The following MYH1 variants were observed in gnomAD, a reference collection of about 807,000 sequenced individuals.
MYH1 encodes the protein myosin-1.
A neutral mutation model predicts 225.6 loss-of-function variants in MYH1; 214 were observed. The observed-to-expected ratio is 0.95, with a 90% confidence interval of 0.85 to 1.06. The LOEUF is 1.06. Among genes scored for constraint, MYH1 ranks in the 50% least tolerant of loss-of-function variants. The pLI is 0.00. For synonymous variants in MYH1, 774 were observed against 842.3 expected (o/e 0.92, Z 1.40); for missense variants, 2,098 against 2,344.2 (o/e 0.89, Z 2.17).
chr17:10,514,940 A>G, intron 5 of MYH1, 45 bp from the exon 6 acceptor site: 1 of 1,577,084 alleles, frequency 6.3e-7, no homozygotes, highest in Non-Finnish European at 8.7e-7. Context: ...TCAGTTACAC[A>G]AACAAAACTT....
chr17:10,501,946 A>G (rs1304981178), intron 24 of MYH1, 35 bp from the exon 25 acceptor site: 1 of 1,576,602 alleles, frequency 6.3e-7, no homozygotes, highest in Non-Finnish European at 8.6e-7. Context: ...TGGTTCTTAG[A>G]ATGGTAGCAC....
chr17:10,513,848 G>A lies in MYH1; in HGVS notation c.714C>T (p.Thr238=), dbSNP rs752669504. The A allele has an allele frequency of 1.5e-5, 25 of 1,614,036 alleles. No homozygotes were observed. Among genetic ancestry groups the A allele is most frequent in the South Asian group, 6.6e-5 (6 of 91,086 alleles). ...AGCGAGAGGAGTTGTCATTCCTCAC[G>A]GTCTTGGCGTTGCCAAAGGCCTCCA... ...PLLEAFGNAK[T]VRNDNSSRFG... is the part of the protein sequence containing the mutation. Residue 238 remains threonine (T), a synonymous_variant, in exon 8 of 40, where the codon ACC becomes ACT. Transcript: ENST00000226207.
intron 28 of MYH1, among the ~76,000 whole-genome samples, chr17:10,499,777 T>C (rs1485904133): frequency 1.3e-5 from 2 of 152,228 alleles, no homozygotes; most frequent in Non-Finnish European, 1.5e-5. Context: ...ATAAGAATTA[T>C]AATAAATATT....
chr17:10,507,838 A>G (rs2073128423), intron 17 of MYH1, 48 bp downstream of exon 17: 2 of 1,509,322 alleles, frequency 1.3e-6, no homozygotes, highest in Admixed American at 3.4e-5. Flanking sequence ...ACCATAGAGT[A>G]CATTTAATAT....
chr17:10,511,682 T>G (rs556216620), intron 14 of MYH1, among the ~76,000 whole-genome samples, 157 bp downstream of exon 14: 3 of 152,316 alleles, frequency 2.0e-5, no homozygotes, highest in African/African-American at 7.2e-5. Context: ...TCACTTCCTT[T>G]CACGGTCTTT....
At chr17:10,509,452 G>A in intron 15 of MYH1, 33 bp downstream of exon 15, 1 of 1,614,028 alleles carries the variant, frequency 6.2e-7, no homozygotes, top group South Asian at 1.1e-5. Flanking sequence ...CTGTACAGCA[G>A]TATGATCTGT....
In MYH1 at chr17:10,508,682, T is replaced by G. The variant is rs1181591295; in HGVS notation, c.1588-10A>C. 6.2e-7 allele frequency: 1 copy of G among 1,612,656 alleles called. No homozygotes were observed. Among genetic ancestry groups the G allele is most frequent in the South Asian group, 1.1e-5 (1 of 90,870 alleles). On this transcript the variant is annotated splice_polypyrimidine_tract_variant and intron_variant, in intron 15 of 39. Transcript: ENST00000226207. ...AGAAGATGCCCATAGGCTGGAAGAA[T>G]GAAAAGAAATAAATGCCACTTGAAT...
At chr17:10,508,020 T>TG in intron 16 of MYH1, 64 bp from the exon 17 acceptor site, 1 of 1,339,660 alleles carries the variant, frequency 7.5e-7, no homozygotes, top group Non-Finnish European at 1.0e-6. Context: ...TTTTTTTTGT[T>TG]TTTTTTTGTT....
chr17:10,502,599 G>C, intron 24 of MYH1, 139 bp downstream of exon 24: 6 of 1,291,252 alleles, frequency 4.6e-6, no homozygotes, highest in Non-Finnish European at 4.3e-6. Flanking sequence ...CTTAGACCTT[G>C]TAATAGGGAT....
intron 5 of MYH1, 145 bp downstream of exon 5, chr17:10,515,781 T>C (rs1043184356): frequency 1.5e-6 from 2 of 1,372,790 alleles, no homozygotes; most frequent in African/African-American, 1.5e-5. Context: ...GCTTTGACAG[T>C]ATATACTTCT....
Position 10,512,463 on chromosome 17 carries a change from G to A in MYH1, c.1092C>T (p.Asn364=), listed in dbSNP as rs1567722222. Reference sequence around the variant, plus strand: ...CACGCTGCTTTTGCTTGAATTTCATGTTCCCATAATGCATCACAGCCCCTG... The same window carrying A: ...CACGCTGCTTTTGCTTGAATTTCATATTCCCATAATGCATCACAGCCCCTG... ...KLTGAVMHYG[N]MKFKQKQREE... The change falls in exon 12 of 40, where the codon AAC becomes AAT. Residue 364 remains asparagine (N), a synonymous_variant. Coordinates refer to ENST00000226207, the MANE Select transcript of MYH1 (RefSeq NM_005963.4). 2 of 1,613,884 alleles carry A rather than the reference G, an allele frequency of 1.2e-6. No homozygotes were observed. The highest frequency in any genetic ancestry group is 2.7e-5 in the African/African-American group (2 of 74,862).
At chr17:10,508,334 G>A (rs1220170468) in intron 16 of MYH1, 29 bp downstream of exon 16, 1 of 1,560,880 alleles carries the variant, frequency 6.4e-7, no homozygotes, top group East Asian at 2.2e-5. Flanking sequence ...TTATACATTA[G>A]GTAAAAGATT....
intron 23 of MYH1, 33 bp from the exon 24 acceptor site, chr17:10,502,947 T>C: frequency 1.2e-6 from 2 of 1,614,210 alleles, no homozygotes; most frequent in Non-Finnish European, 1.7e-6. Flanking sequence ...TTAGTTGCTC[T>C]AAAGCACCTT....
intron 35 of MYH1, among the ~76,000 whole-genome samples, chr17:10,495,535 G>A (rs983360046): frequency 1.3e-5 from 2 of 151,946 alleles, no homozygotes; most frequent in Admixed American, 6.6e-5. Context: ...GCCGAGGCGG[G>A]TGGATTACGA....
In MYH1 at chr17:10,505,389, T is replaced by C. The variant is rs2073101196; in HGVS notation, c.2297A>G (p.Lys766Arg). ...CAGGTAGGATTTACAGAATATTACC[T>C]TGGTGTGACCAAATTTATACTGGGT... ...DHTQYKFGHTKVFFKAGLLGL... is the reference protein window; with the variant it reads ...DHTQYKFGHTRVFFKAGLLGL... The change falls in exon 20 of 40, where the codon AAG becomes AGG. Residue 766 changes from lysine (K) to arginine (R), a missense_variant and splice_region_variant. Coordinates refer to ENST00000226207, the MANE Select transcript of MYH1 (RefSeq NM_005963.4). 1 of 1,614,126 alleles carries C rather than the reference T, an allele frequency of 6.2e-7. No individual in the cohort carries two copies. The highest frequency in any genetic ancestry group is 1.3e-5 in the African/African-American group (1 of 74,958).
chr17:10,500,480 G>A, intron 28 of MYH1, 146 bp downstream of exon 28: 1 of 1,155,206 alleles, frequency 8.7e-7, no homozygotes, highest in Non-Finnish European at 1.2e-6. Flanking sequence ...GCAACCTCAT[G>A]CCAGTGGTCA....
At chr17:10,502,952 C>T in intron 23 of MYH1, 38 bp from the exon 24 acceptor site, 2 of 1,614,178 alleles carry the variant, frequency 1.2e-6, no homozygotes, top group South Asian at 1.1e-5. Context: ...TGCTCTAAAG[C>T]ACCTTTGTTG....
At chr17:10,513,724 C>T (rs781121569) in intron 8 of MYH1, 35 bp from the exon 9 acceptor site, 68 of 1,613,150 alleles carry the variant, frequency 4.2e-5, no homozygotes, top group East Asian at 1.6e-4. Flanking sequence ...ATACCCAAAG[C>T]TTGAAGTACG....
At chr17:10,517,983 G>T (rs1357550937) in intron 2 of MYH1, among the ~76,000 whole-genome samples, 2 of 152,164 alleles carry the variant, frequency 1.3e-5, no homozygotes, top group Non-Finnish European at 2.9e-5. Context: ...GCTGGAAATA[G>T]TGAATGAAAT....
Sources: gnomAD v4.1 joint callset for allele counts (sites outside exome capture counted in the v4.1 genomes callset) on GRCh38, gnomAD v4.1.1 for gene constraint, MANE v1.5 for transcripts, NCBI Gene and HGNC (gene_info 2026-07-23, HGNC 2026-07-21) for gene names.